The following ATXN1 variants were observed in gnomAD, a reference collection of about 807,000 sequenced individuals.
ATXN1 encodes ataxin-1.
Under a neutral mutation model 56.4 loss-of-function variants are expected in ATXN1, and 8 were observed. The observed-to-expected ratio is 0.14, with a 90% CI of 0.08 to 0.26. The LOEUF is 0.26. Among genes scored for constraint, ATXN1 ranks in the 10% least tolerant of loss-of-function variants. The pLI, the probability that ATXN1 is intolerant of heterozygous loss-of-function variation, is 1.00. For synonymous variants in ATXN1, 514 were observed against 494.6 expected (o/e 1.04, Z -0.52); for missense variants, 987 against 1,106.5 (o/e 0.89, Z 1.53).
intron 4 of ATXN1, among the ~76,000 whole-genome samples, chr6:16,577,288 C>T (rs1296751722): frequency 6.6e-6 from 1 of 152,108 alleles, no homozygotes; most frequent in Non-Finnish European, 1.5e-5. Flanking sequence ...CTTTGGGAGG[C>T]CGAGGAGGGT....
rs1468565374 is a variant in ATXN1 at position 16,327,066 on chromosome 6, G to A, written c.1245C>T (p.Gly415=). The change falls in exon 7 of 8, where the codon GGC becomes GGT. Residue 415 remains glycine (G), a synonymous_variant. Coordinates refer to ENST00000436367, the MANE Select transcript of ATXN1 (RefSeq NM_001128164.2). ...GGTGGCCAGGCTTCCCTAAATGCAG[G>A]CCACTTTTGTCGTTGAGGGTAGAAG... is the stretch of plus-strand genomic sequence containing the variant. ...ASPSTLNDKS[G]LHLGKPGHRS... 1.2e-6 allele frequency: 2 copies of A among 1,614,038 alleles called. No individual in the cohort carries two copies. The highest frequency in any genetic ancestry group is 3.3e-5 in the Admixed American group (2 of 60,030).
chr6:16,368,319 ATTTCT>A (rs1251289273), intron 6 of ATXN1, among the ~76,000 whole-genome samples: 1 of 113,332 alleles, frequency 8.8e-6, no homozygotes, highest in Non-Finnish European at 2.0e-5. Flanking sequence ...ATAAATGTCT[ATTTCT>A]TTGGCTTGAC....
chr6:16,407,590 G>A (rs1758711332), intron 6 of ATXN1, among the ~76,000 whole-genome samples: 1 of 152,224 alleles, frequency 6.6e-6, no homozygotes, highest in Admixed American at 6.5e-5. Context: ...TACTTATTTA[G>A]TTGGTGAAGT....
intron 4 of ATXN1, among the ~76,000 whole-genome samples, chr6:16,561,015 G>A (rs1762105983): frequency 6.6e-6 from 1 of 152,152 alleles, no homozygotes; most frequent in South Asian, 2.1e-4. Flanking sequence ...ATGGGAGTGA[G>A]TAATTAGTGT....
chr6:16,484,992 T>TGTGTAC (rs777052426), intron 6 of ATXN1: 1 of 28,810 alleles, frequency 3.5e-5, no homozygotes, highest in Non-Finnish European at 9.0e-5. Context: ...TGTGTGTGTG[T>TGTGTAC]ACACGCACAC....
At chr6:16,742,790 C>T (rs13190752) in intron 2 of ATXN1, among the ~76,000 whole-genome samples, 2,052 of 152,274 alleles carry the variant, frequency 0.013, 23 homozygotes, top group Non-Finnish European at 0.017. Context: ...TCATACTTGA[C>T]GAGCAGGGTT....
At chr6:16,523,726 A>G (rs1013219101) in intron 4 of ATXN1, among the ~76,000 whole-genome samples, 1 of 152,196 alleles carries the variant, frequency 6.6e-6, no homozygotes, top group South Asian at 2.1e-4. Flanking sequence ...GCCACATATC[A>G]GGCTGACTGA....
intron 6 of ATXN1, among the ~76,000 whole-genome samples, chr6:16,380,070 G>A (rs537452483): frequency 7.9e-5 from 12 of 152,282 alleles, no homozygotes; most frequent in African/African-American, 2.4e-4. Flanking sequence ...ACATGCCAGC[G>A]GGTACTTCCC....
Position 16,676,261 on chromosome 6 carries a change from T to C in ATXN1, c.-614-18360A>G, listed in dbSNP as rs147072599. On this transcript the variant is annotated intron_variant, in intron 2 of 7. Coordinates refer to ENST00000436367, the MANE Select transcript of ATXN1 (RefSeq NM_001128164.2). ...TGGCTAGTCAAGAAGAGCAAAAGAATGCTCTTACATGGACTGAGACTCAGG... is the reference window on the plus strand; with the variant it reads ...TGGCTAGTCAAGAAGAGCAAAAGAACGCTCTTACATGGACTGAGACTCAGG... Among the ~76,000 whole-genome samples, 416 of 152,332 alleles carry C rather than the reference T, an allele frequency of 2.7e-3. 1 individual carries two copies. The highest frequency in any genetic ancestry group is 9.5e-3 in the African/African-American group (393 of 41,576).
intron 2 of ATXN1, among the ~76,000 whole-genome samples, chr6:16,740,538 T>C (rs543799983): frequency 1.3e-5 from 2 of 152,342 alleles, no homozygotes; most frequent in African/African-American, 4.8e-5. Flanking sequence ...TTTGATTTCC[T>C]GATGTTTTCA....
At chr6:16,699,773 G>A (rs1271809111) in intron 2 of ATXN1, among the ~76,000 whole-genome samples, 2 of 148,072 alleles carry the variant, frequency 1.4e-5, no homozygotes, top group African/African-American at 2.7e-5. Context: ...ATGATTCTGA[G>A]TAAGAATCAA....
intron 2 of ATXN1, among the ~76,000 whole-genome samples, chr6:16,751,421 G>C (rs766303416): frequency 6.6e-6 from 1 of 152,158 alleles, no homozygotes; most frequent in Non-Finnish European, 1.5e-5. Context: ...CAAGAGTATC[G>C]TGTCTGTGAT....
At chr6:16,524,169 C>T (rs1761347386) in intron 4 of ATXN1, among the ~76,000 whole-genome samples, 1 of 152,174 alleles carries the variant, frequency 6.6e-6, no homozygotes. Flanking sequence ...CAGGAAGATT[C>T]CCAGACTCAG....
At chr6:16,413,690 T>C (rs1758847429) in intron 6 of ATXN1, among the ~76,000 whole-genome samples, 1 of 152,170 alleles carries the variant, frequency 6.6e-6, no homozygotes, top group Admixed American at 6.5e-5. Context: ...AATCACTACT[T>C]TTTTGAGCTT....
intron 2 of ATXN1, among the ~76,000 whole-genome samples, chr6:16,731,123 A>C (rs1759966436): frequency 6.6e-6 from 1 of 152,156 alleles, no homozygotes; most frequent in African/African-American, 2.4e-5. Flanking sequence ...CTACAAATGG[A>C]AGGAGGTTTA....
chr6:16,702,856 C>T (rs377266794), intron 2 of ATXN1, among the ~76,000 whole-genome samples: 1 of 152,146 alleles, frequency 6.6e-6, no homozygotes, highest in East Asian at 1.9e-4. Context: ...GATGTGGAGA[C>T]ATAGGAACAT....
chr6:16,473,495 G>A (rs1045468199), intron 6 of ATXN1, among the ~76,000 whole-genome samples: 5 of 152,176 alleles, frequency 3.3e-5, no homozygotes, highest in African/African-American at 1.2e-4. Context: ...GAGTGCCCCA[G>A]AGCCTTTAGA....
chr6:16,365,714 T>G (rs934256255), intron 6 of ATXN1, among the ~76,000 whole-genome samples: 2 of 152,232 alleles, frequency 1.3e-5, no homozygotes, highest in African/African-American at 4.8e-5. Context: ...CAAAACTGTT[T>G]ACAAGCAGTG....
At chr6:16,587,835 G>T (rs1762653701) in intron 3 of ATXN1, among the ~76,000 whole-genome samples, 1 of 151,802 alleles carries the variant, frequency 6.6e-6, no homozygotes, top group Non-Finnish European at 1.5e-5. Flanking sequence ...GGAGGCTGAG[G>T]CAGGAGAATC....
Sources: gnomAD v4.1 joint callset for allele counts (sites outside exome capture counted in the v4.1 genomes callset) on GRCh38, gnomAD v4.1.1 for gene constraint, MANE v1.5 for transcripts, NCBI Gene and HGNC (gene_info 2026-07-23, HGNC 2026-07-21) for gene names.